The following TP63 variants were observed in gnomAD, a reference collection of about 807,000 sequenced individuals.
TP63 encodes the protein tumor protein 63.
TP63 carries 17 observed loss-of-function variants against 82.8 expected under a neutral mutation model. The observed-to-expected ratio is 0.21, with a 90% CI of 0.14 to 0.31. TP63 has a LOEUF of 0.31. TP63 is among the 10% of genes least tolerant of loss of function. TP63 has a pLI of 1.00. For synonymous variants in TP63, 330 were observed against 321.7 expected (o/e 1.03, Z -0.28); for missense variants, 648 against 895.3 (o/e 0.72, Z 3.52).
intron 3 of TP63, among the ~76,000 whole-genome samples, chr3:189,789,160 C>A (rs1254044598): frequency 6.6e-6 from 1 of 151,992 alleles, no homozygotes; most frequent in African/African-American, 2.4e-5. Flanking sequence ...AGCTATCAGG[C>A]AGTGGGTTTT....
intron 1 of TP63, among the ~76,000 whole-genome samples, chr3:189,649,210 A>G (rs75077200): frequency 0.058 from 8,484 of 146,868 alleles, 956 homozygotes; most frequent in South Asian, 0.088. Context: ...GTTGAAAACG[A>G]TGCTATTCAC....
the TP63 span, among the ~76,000 whole-genome samples, chr3:189,613,620 TGG>T: frequency 6.6e-6 from 1 of 152,138 alleles, no homozygotes; most frequent in East Asian, 1.9e-4. Flanking sequence ...GACCCCAGAA[TGG>T]TAGATTCACT....
chr3:189,867,757 A>G, intron 6 of TP63, 76 bp from the exon 7 acceptor site: 1 of 1,323,400 alleles, frequency 7.6e-7, no homozygotes, highest in Admixed American at 1.8e-5. Flanking sequence ...AATTCCTTAA[A>G]TAGAGGGAAG....
intron 3 of TP63, among the ~76,000 whole-genome samples, chr3:189,756,091 A>C (rs182104874): frequency 2.0e-5 from 3 of 152,298 alleles, no homozygotes; most frequent in Admixed American, 1.3e-4. Flanking sequence ...AATCTTGAAC[A>C]TGGGAATGGA....
chr3:189,880,881 A>C, intron 10 of TP63: 1 of 985,354 alleles, frequency 1.0e-6, no homozygotes, highest in African/African-American at 1.7e-5. Context: ...GTATGTTGGC[A>C]TCTGTTATGC....
At chr3:189,744,639 AG>A (rs1721236461) in intron 3 of TP63, among the ~76,000 whole-genome samples, 1 of 152,184 alleles carries the variant, frequency 6.6e-6, no homozygotes, top group South Asian at 2.1e-4. Flanking sequence ...AGGCTGTCAC[AG>A]CTACTGTCAA....
intron 10 of TP63, among the ~76,000 whole-genome samples, chr3:189,874,795 G>C (rs1017150747): frequency 7.2e-5 from 11 of 152,080 alleles, no homozygotes; most frequent in Non-Finnish European, 1.6e-4. Flanking sequence ...ACAGAGACCT[G>C]TAACATCATT....
the TP63 span, among the ~76,000 whole-genome samples, chr3:189,602,024 A>C: frequency 6.6e-6 from 1 of 152,262 alleles, no homozygotes; most frequent in Admixed American, 6.5e-5. Flanking sequence ...GTGGGAATAA[A>C]TATCTCTAGG....
rs1727138717 is a variant in TP63 at position 189,808,282 on chromosome 3, C to T, written c.335C>T (p.Thr112Met). 1.2e-6 allele frequency: 2 copies of T among 1,614,074 alleles called. No homozygotes were observed. Among genetic ancestry groups the T allele is most frequent in the Middle Eastern group, 1.6e-4 (1 of 6,084 alleles). ...TGGGTGTCCTTGCAGCCACAGTACA[C>T]GAACCTGGGGCTCCTGAACAGCATG... ...DLSDPMWPQY[T>M]NLGLLNSMDQ... The change falls in exon 4 of 14, where the codon ACG becomes ATG. Residue 112 changes from threonine (T) to methionine (M), a missense_variant. Thr to Met is a moderately conservative substitution (Grantham distance 81). Around this residue, in one of 5 missense-constraint regions of TP63, gnomAD observed 182 missense variants for 213.6 expected, o/e 0.85. Coordinates refer to ENST00000264731, the MANE Select transcript of TP63 (RefSeq NM_003722.5).
At chr3:189,718,358 C>A (rs1719120427) in intron 1 of TP63, among the ~76,000 whole-genome samples, 1 of 151,534 alleles carries the variant, frequency 6.6e-6, no homozygotes, top group South Asian at 2.1e-4. Flanking sequence ...GACAGAGTTT[C>A]ACAAGACTGG....
intron 3 of TP63, among the ~76,000 whole-genome samples, chr3:189,740,034 A>G (rs1190800001): frequency 1.8e-5 from 1 of 54,954 alleles, no homozygotes; most frequent in Non-Finnish European, 4.2e-5. Flanking sequence ...GGAGAAAGTC[A>G]ATTGGAGAAA....
At chr3:189,745,527 T>C (rs2108512815) in intron 3 of TP63, among the ~76,000 whole-genome samples, 1 of 151,648 alleles carries the variant, frequency 6.6e-6, no homozygotes, top group East Asian at 1.9e-4. Context: ...ATCAACATAG[T>C]GAAACCCCAT....
chr3:189,824,705 A>G (rs1159584031), intron 4 of TP63, among the ~76,000 whole-genome samples: 2 of 152,142 alleles, frequency 1.3e-5, no homozygotes, highest in African/African-American at 4.8e-5. Context: ...CTTACTCAGG[A>G]CGATTTTCCT....
At chr3:189,747,343 TTAG>T (rs1273380765) in intron 3 of TP63, among the ~76,000 whole-genome samples, 2 of 152,064 alleles carry the variant, frequency 1.3e-5, no homozygotes, top group Non-Finnish European at 2.9e-5. Flanking sequence ...AGATCATATA[TTAG>T]GACACAAAAT....
At chr3:189,811,183 CT>C (rs1383318411) in intron 4 of TP63, among the ~76,000 whole-genome samples, 1 of 152,166 alleles carries the variant, frequency 6.6e-6, no homozygotes, top group Non-Finnish European at 1.5e-5. Flanking sequence ...AAAATTCAGT[CT>C]GTGCCTCAGA....
In TP63 at chr3:189,684,298, G is replaced by A. The variant is rs189933098; in HGVS notation, c.62+52721G>A. The stretch of plus-strand genomic sequence containing the variant: ...GTTCTTTAAAACCTAACATCCTATA[G>A]GGAAGAGTGATAGTTAATCATCATA... On this transcript the variant is annotated intron_variant, in intron 1 of 13. Transcript: ENST00000264731. Among the ~76,000 whole-genome samples the A allele has an allele frequency of 5.3e-5, 8 of 152,230 alleles. No homozygotes were observed. The East Asian group carries it at 1.4e-3, about 26-fold the overall frequency.
At chr3:189,700,617 G>A (rs1717732013) in intron 1 of TP63, among the ~76,000 whole-genome samples, 1 of 152,100 alleles carries the variant, frequency 6.6e-6, no homozygotes, top group African/African-American at 2.4e-5. Flanking sequence ...GAGATTAATG[G>A]GAATTACTGC....
At chr3:189,691,428 C>T (rs1716924248) in intron 1 of TP63, among the ~76,000 whole-genome samples, 1 of 151,050 alleles carries the variant, frequency 6.6e-6, no homozygotes, top group South Asian at 2.1e-4. Context: ...TCAACCTGGG[C>T]AATTGACATT....
Position 189,719,065 on chromosome 3 carries a change from G to A in TP63, c.63-18675G>A, listed in dbSNP as rs141095304. Among the ~76,000 whole-genome samples the A allele has an allele frequency of 8.5e-5, 13 of 152,200 alleles. No homozygotes were observed. The East Asian group carries it at 2.5e-3, about 29-fold the overall frequency. ...AAATTTCTCGGTTGCCGTAATTGAA[G>A]TGTAGGGTAAGAGGAAAATAGCAGC... On this transcript the variant is annotated intron_variant, in intron 1 of 13. Coordinates refer to ENST00000264731, the MANE Select transcript of TP63 (RefSeq NM_003722.5).
Sources: gnomAD v4.1 joint callset for allele counts (sites outside exome capture counted in the v4.1 genomes callset) on GRCh38, gnomAD v4.1.1 for gene constraint, gnomAD v4.1.1 regional missense constraint, MANE v1.5 for transcripts, NCBI Gene and HGNC (gene_info 2026-07-23, HGNC 2026-07-21) for gene names.